Variants in FBN3 observed in about 807,000 individuals in gnomAD.
FBN3 encodes fibrillin 3, also known as fibrillin-3.
FBN3 carries 234 observed loss-of-function variants against 330.1 expected under a neutral mutation model. That is an observed-to-expected ratio of 0.71 (90% CI 0.64 to 0.79). The LOEUF is 0.79. Among genes scored for constraint, FBN3 ranks in the 30% least tolerant of loss-of-function variants. The probability of loss-of-function intolerance (pLI) is 0.00; values close to 1 mark genes in which losing one functional copy is unlikely to be tolerated. For synonymous variants in FBN3, 1,458 were observed against 1,517.3 expected, an observed-to-expected ratio of 0.96 and a Z score of 0.91; for missense variants, 3,606 against 3,886.9, an observed-to-expected ratio of 0.93 and a Z score of 1.92.
chr19:8,143,684 C>T (rs2083466756), intron 6 of FBN3, among the ~76,000 whole-genome samples: 1 of 151,796 alleles, frequency 6.6e-6, no homozygotes, highest in Non-Finnish European at 1.5e-5. Context: ...GTAGAGATGG[C>T]TTTTGCCATG....
chr19:8,085,129 C>T (rs909774299), intron 56 of FBN3, among the ~76,000 whole-genome samples: 7 of 152,134 alleles, frequency 4.6e-5, no homozygotes, highest in Non-Finnish European at 5.9e-5. Context: ...CACATACACA[C>T]ACATTGGCTC....
chr19:8,085,353 G>T lies in FBN3; in HGVS notation c.7087+10C>A. 6.4e-7 allele frequency: 1 copy of T among 1,562,586 alleles called. No homozygotes were observed. The highest frequency in any genetic ancestry group is 8.6e-7 in the Non-Finnish European group (1 of 1,157,374). On this transcript the variant is annotated intron_variant, in intron 56 of 63. Coordinates refer to ENST00000600128, the MANE Select transcript of FBN3 (RefSeq NM_032447.5). ...GCCTCCCTGGGGGTCCTGAGGGCAT[G>T]GGCACCCACCTCGGCCCTCAGCAGT... is the stretch of plus-strand genomic sequence containing the variant.
intron 3 of FBN3, among the ~76,000 whole-genome samples, 169 bp downstream of exon 3, chr19:8,146,935 A>T (rs1179433762): frequency 6.6e-6 from 1 of 152,216 alleles, no homozygotes; most frequent in African/African-American, 2.4e-5. Context: ...GGAAATGAAC[A>T]TGGCAGGTTG....
chr19:8,108,128 C>T (rs1350517129), intron 37 of FBN3, 42 bp downstream of exon 37: 3 of 1,581,628 alleles, frequency 1.9e-6, no homozygotes, highest in African/African-American at 1.3e-5. Context: ...AAAAGTCAGT[C>T]TCTAGGCAGA....
At chr19:8,100,656 T>C (rs1354911337) in intron 41 of FBN3, among the ~76,000 whole-genome samples, 1 of 152,186 alleles carries the variant, frequency 6.6e-6, no homozygotes, top group Non-Finnish European at 1.5e-5. Flanking sequence ...AAATTTTATG[T>C]TGCATATATT....
chr19:8,065,831 G>T lies in FBN3; in HGVS notation c.*88C>A. On this transcript the variant is annotated 3_prime_UTR_variant, in exon 64 of 64. Coordinates refer to ENST00000600128, the MANE Select transcript of FBN3 (RefSeq NM_032447.5). ...CTTCCTGAGTTTCGGGGTTCAATCT[G>T]GTCAGCCATCGCTTCTGGGGATCAG... is the stretch of plus-strand genomic sequence containing the variant. The T allele has an allele frequency of 9.0e-7, 1 of 1,112,022 alleles. No individual in the cohort carries two copies. Among genetic ancestry groups the T allele is most frequent in the Non-Finnish European group, 1.3e-6 (1 of 774,986 alleles). 68.9% of individuals were successfully genotyped at this position (1,112,022 alleles called of 1,614,324 possible). A position where few individuals can be genotyped will look rare whatever the true frequency, so the allele number is the denominator to read the frequency against.
intron 61 of FBN3, 142 bp downstream of exon 61, chr19:8,074,929 A>C: frequency 9.0e-7 from 1 of 1,106,628 alleles, no homozygotes; most frequent in Non-Finnish European, 1.3e-6. Context: ...GCAGTGGGGA[A>C]CTCACTACCT....
chr19:8,086,628 T>A (rs1416195707), intron 54 of FBN3, among the ~76,000 whole-genome samples: 1 of 149,628 alleles, frequency 6.7e-6, no homozygotes, highest in African/African-American at 2.4e-5. Context: ...AGCTATTTTT[T>A]TTTTTTTTTT....
At chr19:8,148,818 G>T (rs1390583508) in intron 1 of FBN3, 1 of 152,356 alleles carries the variant, frequency 6.6e-6, no homozygotes, top group South Asian at 2.1e-4. Context: ...CTGGAGAGGG[G>T]CGCCCTCTTT....
At position 8,081,422 on chromosome 19, in the gene FBN3, C is replaced by T; in HGVS notation, c.7272G>A (p.Lys2424=). Residue 2424 remains lysine, a synonymous_variant, in exon 58 of 64, where the codon AAG becomes AAA. Coordinates refer to ENST00000600128, the MANE Select transcript of FBN3 (RefSeq NM_032447.5). ...KPCTFLCKNT[K]GSFLCSCPRG... ...GGGGACAGCTGCACAGGAAACTGCC[C>T]TTCGTGTTTTTGCAGAGGAAGGTAC... The T allele has an allele frequency of 6.2e-7, 1 of 1,612,712 alleles. No individual in the cohort carries two copies. The highest frequency in any genetic ancestry group is 8.5e-7 in the Non-Finnish European group (1 of 1,179,374).
chr19:8,113,011 A>G (rs1599371706), intron 30 of FBN3, among the ~76,000 whole-genome samples: 1 of 152,358 alleles, frequency 6.6e-6, no homozygotes, highest in East Asian at 1.9e-4. Context: ...CTCAAGTCCT[A>G]AACCCTGAAA....
chr19:8,141,440 C>G (rs1212274675), intron 8 of FBN3, among the ~76,000 whole-genome samples: 1 of 152,046 alleles, frequency 6.6e-6, no homozygotes, highest in Non-Finnish European at 1.5e-5. Context: ...CTCTCCCGCT[C>G]CAGCCCCTCG....
At position 8,081,095 on chromosome 19, in the gene FBN3, T is replaced by A. The variant is rs1206758421; in HGVS notation, c.7361A>T (p.Gln2454Leu). 6.2e-7 allele frequency: 1 copy of A among 1,613,696 alleles called. No homozygotes were observed. Among genetic ancestry groups the A allele is most frequent in the Non-Finnish European group, 8.5e-7 (1 of 1,179,992 alleles). The change falls in exon 59 of 64, where the codon CAG (glutamine) becomes CTG (leucine). Residue 2454 changes from glutamine (Q) to leucine (L), a missense_variant. Coordinates refer to ENST00000600128, the MANE Select transcript of FBN3 (RefSeq NM_032447.5). ...CKDLDECTSRQHNCQFLCVNT... is the reference protein window; with the variant it reads ...CKDLDECTSRLHNCQFLCVNT... ...GACACAGAGGAACTGACAGTTGTGC[T>A]GCCGGGAGGTGCATTCGTCCAGGTC...
At chr19:8,068,919 G>C (rs1015579215) in intron 63 of FBN3, among the ~76,000 whole-genome samples, 1 of 151,984 alleles carries the variant, frequency 6.6e-6, no homozygotes, top group Non-Finnish European at 1.5e-5. Flanking sequence ...ACCTTGCTCA[G>C]ACCCCTGCCA....
intron 13 of FBN3, 26 bp downstream of exon 13, chr19:8,135,935 T>TGGGGGGGGGGGGGGGGGGGGC: frequency 1.5e-6 from 2 of 1,344,152 alleles, no homozygotes; most frequent in African/African-American, 1.5e-5. Flanking sequence ...CGGAAGCCCC[T>TGGGGGGGGGGGGGGGGGGGGC]GCCCACCCGC....
At chr19:8,099,242 TGGA>T (rs955052561) in intron 41 of FBN3, among the ~76,000 whole-genome samples, 17 of 149,428 alleles carry the variant, frequency 1.1e-4, no homozygotes, top group East Asian at 5.9e-4. Flanking sequence ...AGGTGATGAC[TGGA>T]GGAGAAGTGG....
rs1244336079 is a variant in FBN3 at position 8,129,924 on chromosome 19, G to T, written c.2045-559C>A. On this transcript the variant is annotated intron_variant, in intron 16 of 63. Transcript: ENST00000600128. The surrounding 1 kb of genome is among the most constrained non-coding windows in gnomAD (Gnocchi z 4.5). Reference sequence around the variant, plus strand: ...GCAATTTTTTTTTTTTTGAGATAGGGTCTCACTCTGTCGCACAGGCTGGAG... The same window carrying T: ...GCAATTTTTTTTTTTTTGAGATAGGTTCTCACTCTGTCGCACAGGCTGGAG... Among the ~76,000 whole-genome samples the T allele has an allele frequency of 6.6e-6, 1 of 151,538 alleles. No individual in the cohort carries two copies. The highest frequency in any genetic ancestry group is 1.5e-5 in the Non-Finnish European group (1 of 67,922).
chr19:8,095,362 T>A lies in FBN3; in HGVS notation c.5785+13A>T. On this transcript the variant is annotated intron_variant, in intron 46 of 63. Transcript: ENST00000600128. ...CTGGCTGAGATGCCTCCGAGCACCATAGGCAGACTCACCCACACAGTTCTT... is the reference window on the plus strand; with the variant it reads ...CTGGCTGAGATGCCTCCGAGCACCAAAGGCAGACTCACCCACACAGTTCTT... 2.5e-6 allele frequency: 4 copies of A among 1,611,324 alleles called. No individual in the cohort carries two copies. The highest frequency in any genetic ancestry group is 2.5e-6 in the Non-Finnish European group (3 of 1,178,494).
intron 48 of FBN3, among the ~76,000 whole-genome samples, chr19:8,091,027 C>T (rs1182674098): frequency 2.6e-5 from 4 of 152,150 alleles, no homozygotes; most frequent in Admixed American, 6.6e-5. Flanking sequence ...CAAATATTCG[C>T]TGAGGTGAAC....
Sources: gnomAD v4.1 joint callset for allele counts (sites outside exome capture counted in the v4.1 genomes callset) on GRCh38, gnomAD v4.1.1 for gene constraint, Gnocchi (gnomAD v3.1) non-coding constraint, MANE v1.5 for transcripts, NCBI Gene and HGNC (gene_info 2026-07-23, HGNC 2026-07-21) for gene names.